Variants in CHLSN observed in about 807,000 individuals in gnomAD.
The protein encoded by CHLSN is cholesin.
At chr7:1,065,717 CG>C in the CHLSN span, among the ~76,000 whole-genome samples, 1 of 152,216 alleles carries the variant, frequency 6.6e-6, no homozygotes, top group African/African-American at 2.4e-5. Context: ...GGTGACACAG[CG>C]GCTGCACCTG....
the CHLSN span, chr7:1,009,997 C>CGG: frequency 1.3e-6 from 2 of 1,594,354 alleles, no homozygotes; most frequent in South Asian, 2.2e-5. Context: ...GCCTGGCAGG[C>CGG]GGGTGCTGGG....
chr7:1,106,847 G>C, the CHLSN span, among the ~76,000 whole-genome samples: 1 of 152,202 alleles, frequency 6.6e-6, no homozygotes, highest in Non-Finnish European at 1.5e-5. Context: ...AGTGGCGAAG[G>C]GCAGCTGGGC....
At chr7:1,005,560 C>A in the CHLSN span, among the ~76,000 whole-genome samples, 1 of 152,206 alleles carries the variant, frequency 6.6e-6, no homozygotes, top group Admixed American at 6.5e-5. Context: ...CCCTCGGCAG[C>A]GGGGCAGTGG....
At chr7:1,000,623 T>C in the CHLSN span, 1 of 1,269,448 alleles carries the variant, frequency 7.9e-7, no homozygotes, top group Non-Finnish European at 1.1e-6. Context: ...CCCTGAGAGA[T>C]CGGGGACGCC....
the CHLSN span, among the ~76,000 whole-genome samples, chr7:1,135,064 T>A: frequency 1.3e-5 from 2 of 152,172 alleles, no homozygotes; most frequent in Non-Finnish European, 2.9e-5. Flanking sequence ...CTGTTGATCC[T>A]TCCTTCTCTC....
At chr7:999,719 C>T in the CHLSN span, among the ~76,000 whole-genome samples, 1 of 152,238 alleles carries the variant, frequency 6.6e-6, no homozygotes, top group African/African-American at 2.4e-5. Context: ...AAAACCGCCC[C>T]CTGCCCCCAG....
the CHLSN span, among the ~76,000 whole-genome samples, chr7:1,130,474 G>A: frequency 1.3e-5 from 2 of 152,220 alleles, no homozygotes; most frequent in Non-Finnish European, 1.5e-5. Context: ...TCCTGCATGG[G>A]CTCACTCATG....
the CHLSN span, among the ~76,000 whole-genome samples, chr7:1,060,705 C>G: frequency 1.3e-5 from 2 of 152,208 alleles, no homozygotes; most frequent in Admixed American, 6.5e-5. Context: ...GATTAGAGAA[C>G]AGTTTTCTGA....
At chr7:988,184 G>A in the CHLSN span, 3 of 1,397,438 alleles carry the variant, frequency 2.1e-6, no homozygotes, top group South Asian at 1.4e-5. Flanking sequence ...GGTGGGTGTG[G>A]CAGGAGCTAC....
At chr7:1,023,679 C>CACACACA in the CHLSN span, among the ~76,000 whole-genome samples, 2 of 109,992 alleles carry the variant, frequency 1.8e-5, no homozygotes, top group Middle Eastern at 9.3e-3. The surrounding 1 kb of genome is among the most constrained non-coding windows in gnomAD (Gnocchi z 5.0). Context: ...ACACACACAC[C>CACACACA]AGCAACGCGC....
chr7:1,098,555 G>A, the CHLSN span, among the ~76,000 whole-genome samples: 37 of 152,130 alleles, frequency 2.4e-4, no homozygotes, highest in South Asian at 5.2e-3. Context: ...GAGACGCCAC[G>A]CTCGGTGAGA....
chr7:1,020,087 G>A, the CHLSN span, among the ~76,000 whole-genome samples: 4 of 152,188 alleles, frequency 2.6e-5, no homozygotes, highest in Admixed American at 6.5e-5. Context: ...AAGGGCCGGC[G>A]GAGTGGTGGT....
chr7:1,009,644 C>G, the CHLSN span, among the ~76,000 whole-genome samples: 1 of 152,192 alleles, frequency 6.6e-6, no homozygotes, highest in Admixed American at 6.5e-5. Flanking sequence ...AGCACCCAGG[C>G]CCGTGGATTC....
the CHLSN span, among the ~76,000 whole-genome samples, chr7:1,118,369 G>A: frequency 1.3e-5 from 2 of 152,250 alleles, no homozygotes; most frequent in Non-Finnish European, 2.9e-5. Flanking sequence ...ATTGACAATA[G>A]AATTAGAAAG....
At chr7:1,062,233 T>G in the CHLSN span, among the ~76,000 whole-genome samples, 2 of 152,146 alleles carry the variant, frequency 1.3e-5, no homozygotes, top group African/African-American at 4.8e-5. Flanking sequence ...CTAAGAGTTA[T>G]TGTAGGAAGC....
chr7:1,036,788 C>T, the CHLSN span, among the ~76,000 whole-genome samples: 393 of 127,786 alleles, frequency 3.1e-3, 45 homozygotes, highest in Non-Finnish European at 4.2e-3. Context: ...TGAAGGCGAA[C>T]GCTTCGCTGG....
the CHLSN span, among the ~76,000 whole-genome samples, chr7:1,022,420 T>C: frequency 2.0e-5 from 3 of 152,228 alleles, no homozygotes; most frequent in Non-Finnish European, 4.4e-5. Context: ...GTCACCTCAA[T>C]TATTAGAATC....
chr7:1,079,747 C>CA, the CHLSN span, among the ~76,000 whole-genome samples: 1 of 152,216 alleles, frequency 6.6e-6, no homozygotes, highest in Non-Finnish European at 1.5e-5. Flanking sequence ...CCAGAGGGTC[C>CA]AGGGCCCTGC....
chr7:1,028,847 T>G, the CHLSN span: 1 of 600,588 alleles, frequency 1.7e-6, no homozygotes, highest in Non-Finnish European at 2.0e-6. Context: ...ACCCCCATCT[T>G]CCCAGTCTGC....
Sources: gnomAD v4.1 joint callset for allele counts (sites outside exome capture counted in the v4.1 genomes callset) on GRCh38, gnomAD v4.1.1 for gene constraint, Gnocchi (gnomAD v3.1) non-coding constraint, MANE v1.5 for transcripts, NCBI Gene and HGNC (gene_info 2026-07-23, HGNC 2026-07-21) for gene names.